NEDD4L: variants seen among roughly 807,000 people sequenced by gnomAD.
NEDD4L encodes E3 ubiquitin-protein ligase NEDD4-like.
Under a neutral mutation model 148.9 loss-of-function variants are expected in NEDD4L, and 54 were observed. The ratio of observed to expected loss-of-function variants is 0.36; its 90% confidence interval spans 0.29 to 0.45. The LOEUF is 0.45. Among genes scored for constraint, NEDD4L ranks in the 20% least tolerant of loss-of-function variants. The probability of loss-of-function intolerance (pLI) is 1.00; values close to 1 mark genes in which losing one functional copy is unlikely to be tolerated. For synonymous variants in NEDD4L, 433 were observed against 440.7 expected (o/e 0.98, Z 0.22); for missense variants, 856 against 1,233.8 (o/e 0.69, Z 4.59).
intron 1 of NEDD4L, among the ~76,000 whole-genome samples, chr18:58,143,472 C>T (rs1325203728): frequency 5.9e-5 from 9 of 152,154 alleles, no homozygotes; most frequent in Non-Finnish European, 1.0e-4. Flanking sequence ...CCTTATCTGC[C>T]GAAATGCCCG....
At position 58,387,419 on chromosome 18, in the gene NEDD4L, GTTT is replaced by G; in HGVS notation, c.2488-10_2488-8del. ...TTTGAAGGCAATAGGTGTTTAAGATGTTTTTTTTTTTTCTTTCAGGGATTCACA... is the reference window on the plus strand; with the variant it reads ...TTTGAAGGCAATAGGTGTTTAAGATGTTTTTTTTTCTTTCAGGGATTCACA... On this transcript the variant is annotated splice_polypyrimidine_tract_variant and intron_variant, in intron 26 of 30. Transcript: ENST00000400345. 8.9e-7 allele frequency: 1 copy of G among 1,125,626 alleles called. No individual in the cohort carries two copies. Among genetic ancestry groups the G allele is most frequent in the Non-Finnish European group, 1.2e-6 (1 of 834,438 alleles). 69.7% of individuals were successfully genotyped at this position (1,125,626 alleles called of 1,614,324 possible). A position where few individuals can be genotyped will look rare whatever the true frequency, so the allele number is the denominator to read the frequency against.
intron 1 of NEDD4L, among the ~76,000 whole-genome samples, chr18:58,054,209 T>A (rs1048615390): frequency 2.0e-5 from 3 of 152,218 alleles, no homozygotes. Context: ...GGGGAAAAAA[T>A]GTGTTTGTGT....
chr18:58,050,804 G>A (rs2081834850), intron 1 of NEDD4L, among the ~76,000 whole-genome samples: 1 of 151,982 alleles, frequency 6.6e-6, no homozygotes, highest in African/African-American at 2.4e-5. Context: ...TAAAGGGTGA[G>A]GACAGTGACA....
In NEDD4L at chr18:58,255,999, C is replaced by T. The variant is rs374579024; in HGVS notation, c.297+3945C>T. The T allele has an allele frequency of 7.5e-4, 917 of 1,230,578 alleles. 5 individuals carry two copies. The African/African-American group carries it at 0.013, about 17-fold the overall frequency. The allele number at this position is 1,230,578 out of a possible 1,614,324, so 76.2% of individuals were successfully genotyped here. The stretch of plus-strand genomic sequence containing the variant: ...GGCGCCGACGATGGGCCTCCATGCG[C>T]AACGCCCGACCCCAGGGACCAGGCC... On this transcript the variant is annotated intron_variant, in intron 5 of 30. Coordinates refer to ENST00000400345, the MANE Select transcript of NEDD4L (RefSeq NM_001144967.3).
chr18:58,109,155 A>T (rs374447232), intron 1 of NEDD4L, among the ~76,000 whole-genome samples: 132 of 152,364 alleles, frequency 8.7e-4, no homozygotes, highest in African/African-American at 3.1e-3. Flanking sequence ...GGTGCTCCAA[A>T]TTAGAATAAG....
At chr18:58,104,610 T>G (rs2084956108) in intron 1 of NEDD4L, among the ~76,000 whole-genome samples, 1 of 152,252 alleles carries the variant, frequency 6.6e-6, no homozygotes, top group Admixed American at 6.5e-5. Flanking sequence ...ATAAGTTTTT[T>G]GTTTCCAGGG....
chr18:58,182,365 G>A (rs544461307), intron 2 of NEDD4L, among the ~76,000 whole-genome samples: 2 of 152,114 alleles, frequency 1.3e-5, no homozygotes, highest in Admixed American at 6.5e-5. Context: ...AGAAAATGAG[G>A]GAGGCATTTA....
At position 58,245,502 on chromosome 18, in the gene NEDD4L, TA is replaced by T; in HGVS notation, c.203del (p.Lys68ArgfsTer3). On this transcript the variant is annotated frameshift_variant, in exon 3 of 31. Coordinates refer to ENST00000400345, the MANE Select transcript of NEDD4L (RefSeq NM_001144967.3). LOFTEE classifies it high-confidence loss of function. The stretch of plus-strand genomic sequence containing the variant: ...TTGCTTTGGTCCAGACAAAAACAAT[TA>T]AAAAGGTAGGTGTCGATCTTTAACC... ...ELALVQTKTI[K>X]KTLNPKWNEE... 6 of 1,544,644 alleles carry T rather than the reference TA, an allele frequency of 3.9e-6. No individual in the cohort carries two copies. The highest frequency in any genetic ancestry group is 5.3e-6 in the Non-Finnish European group (6 of 1,126,536).
intron 2 of NEDD4L, among the ~76,000 whole-genome samples, chr18:58,214,861 G>T (rs916954407): frequency 1.5e-4 from 22 of 149,046 alleles, no homozygotes; most frequent in Non-Finnish European, 1.0e-4. Flanking sequence ...ACCCAGGCTG[G>T]AGTGCAGCGA....
At position 58,186,108 on chromosome 18, in the gene NEDD4L, G is replaced by C. The variant is rs549835055; in HGVS notation, c.122+20247G>C. Among the ~76,000 whole-genome samples the C allele has an allele frequency of 2.6e-3, 367 of 140,218 alleles. 5 individuals are homozygous for C. The highest frequency in any genetic ancestry group is 0.011 in the African/African-American group (334 of 30,334). 92.0% of individuals were successfully genotyped at this position (140,218 alleles called of 152,430 possible). ...ACAGAGAAGGATACGTATGCACACGGGAACAGAGAAGGATGCACAAGAACA... is the reference window on the plus strand; with the variant it reads ...ACAGAGAAGGATACGTATGCACACGCGAACAGAGAAGGATGCACAAGAACA... On this transcript the variant is annotated intron_variant, in intron 2 of 30. Coordinates refer to ENST00000400345, the MANE Select transcript of NEDD4L (RefSeq NM_001144967.3).
intron 1 of NEDD4L, among the ~76,000 whole-genome samples, chr18:58,059,937 A>G (rs2082253676): frequency 6.6e-6 from 1 of 152,146 alleles, no homozygotes; most frequent in Non-Finnish European, 1.5e-5. Context: ...AAATCCTCAC[A>G]ATAGCCCTTT....
chr18:58,271,056 C>T (rs997703986), intron 5 of NEDD4L, among the ~76,000 whole-genome samples: 6 of 152,050 alleles, frequency 3.9e-5, no homozygotes, highest in South Asian at 4.2e-4. Flanking sequence ...GCCTAGTGCT[C>T]GGCACATATT....
At chr18:58,311,270 C>T (rs1022386585) in intron 5 of NEDD4L, among the ~76,000 whole-genome samples, 2 of 152,232 alleles carry the variant, frequency 1.3e-5, no homozygotes, top group Admixed American at 6.5e-5. Flanking sequence ...TTATGCTTAA[C>T]TTTAAAAAAT....
intron 1 of NEDD4L, among the ~76,000 whole-genome samples, chr18:58,156,576 A>C (rs77840853): frequency 0.027 from 4,087 of 152,168 alleles, 166 homozygotes; most frequent in African/African-American, 0.092. Context: ...ATCAGGGGCT[A>C]TCTGGTTCAT....
chr18:58,372,471 A>T (rs4940670), intron 23 of NEDD4L: 66,365 of 151,668 alleles, frequency 0.44, 14,612 homozygotes, highest in South Asian at 0.55. Flanking sequence ...CTCTTTTTTT[A>T]AACTTTATTT....
intron 2 of NEDD4L, among the ~76,000 whole-genome samples, chr18:58,222,647 G>A (rs2043895222): frequency 6.6e-6 from 1 of 152,152 alleles, no homozygotes; most frequent in Non-Finnish European, 1.5e-5. Flanking sequence ...ATAAATTTGA[G>A]TGCAGGCCAC....
At chr18:58,392,121 G>A (rs2049911452) in intron 30 of NEDD4L, among the ~76,000 whole-genome samples, 1 of 152,254 alleles carries the variant, frequency 6.6e-6, no homozygotes, top group African/African-American at 2.4e-5. Flanking sequence ...CAGTGACGCA[G>A]AAGGGTCCCA....
chr18:58,289,730 G>T (rs1395607807), intron 5 of NEDD4L, among the ~76,000 whole-genome samples: 1 of 152,176 alleles, frequency 6.6e-6, no homozygotes, highest in Non-Finnish European at 1.5e-5. Context: ...AGTGTCTTTG[G>T]TGTGCAAGGC....
At chr18:58,148,496 C>T (rs149121253) in intron 1 of NEDD4L, among the ~76,000 whole-genome samples, 3 of 152,308 alleles carry the variant, frequency 2.0e-5, no homozygotes, top group Non-Finnish European at 4.4e-5. Context: ...AGGCCAGAAG[C>T]CAAGATCAGG....
Sources: allele counts gnomAD v4.1 joint callset (sites outside exome capture counted in the v4.1 genomes callset), GRCh38; gene constraint gnomAD v4.1.1; transcripts MANE v1.5; gene names NCBI Gene and HGNC (gene_info 2026-07-23, HGNC 2026-07-21).